The following TNFRSF21 variants were observed in gnomAD, a reference collection of about 807,000 sequenced individuals.
TNFRSF21 encodes the protein TNF receptor superfamily member 21, also known as tumor necrosis factor receptor superfamily member 21.
A neutral mutation model predicts 45.6 loss-of-function variants in TNFRSF21; 19 were observed. That is an observed-to-expected ratio of 0.42 (90% confidence interval 0.29 to 0.61). The LOEUF (loss-of-function observed/expected upper bound fraction) is 0.61. Ranked by LOEUF, TNFRSF21 falls within the 20% of genes least tolerant of loss-of-function variation. The pLI is 0.23. For synonymous variants in TNFRSF21, 314 were observed against 335.5 expected (o/e 0.94, Z 0.70); for missense variants, 737 against 851.5 (o/e 0.87, Z 1.67).
At chr6:47,309,354 C>G (rs1762983715) in intron 1 of TNFRSF21, 62 bp downstream of exon 1, 3 of 1,492,236 alleles carry the variant, frequency 2.0e-6, no homozygotes, top group Non-Finnish European at 2.7e-6. Flanking sequence ...CCGCCCGGCT[C>G]CCGGAGAGCG....
intron 2 of TNFRSF21, among the ~76,000 whole-genome samples, chr6:47,285,347 C>T (rs1582350258): frequency 6.6e-6 from 1 of 152,214 alleles, no homozygotes; most frequent in Non-Finnish European, 1.5e-5. Flanking sequence ...AAGTTAAAAT[C>T]ATTTGGAAAA....
chr6:47,268,058 C>T (rs73736388), intron 3 of TNFRSF21, among the ~76,000 whole-genome samples: 2,574 of 152,320 alleles, frequency 0.017, 65 homozygotes, highest in African/African-American at 0.058. Flanking sequence ...TCCTCCTTCT[C>T]CAAAGGATGG....
At chr6:47,243,572 C>T (rs1453339175) in intron 4 of TNFRSF21, among the ~76,000 whole-genome samples, 1 of 152,130 alleles carries the variant, frequency 6.6e-6, no homozygotes, top group Non-Finnish European at 1.5e-5. Flanking sequence ...CATGCACCAC[C>T]AGGCCCAGAT....
intron 1 of TNFRSF21, among the ~76,000 whole-genome samples, chr6:47,287,191 C>T (rs901210251): frequency 6.6e-6 from 1 of 151,030 alleles, no homozygotes; most frequent in Non-Finnish European, 1.5e-5. Flanking sequence ...CCTGTAATCC[C>T]AGCTACTCAG....
At chr6:47,282,427 T>A (rs931845887) in intron 3 of TNFRSF21, among the ~76,000 whole-genome samples, 2 of 150,496 alleles carry the variant, frequency 1.3e-5, no homozygotes, top group African/African-American at 4.9e-5. Flanking sequence ...AGTTTATGAA[T>A]TTGTGTCGGG....
In TNFRSF21 at chr6:47,292,529, T is replaced by A. The variant is rs570910839; in HGVS notation, c.97-5934A>T. The stretch of plus-strand genomic sequence containing the variant: ...CATCCAAGTTTTGGACACCCTGAAC[T>A]AAGGGCTCTAATCTTCTCTGATTCT... On this transcript the variant is annotated intron_variant, in intron 1 of 5. Transcript: ENST00000296861. 7.2e-5 allele frequency among the ~76,000 whole-genome samples: 11 copies of A among 152,328 alleles called. No homozygotes were observed. The South Asian group carries it at 2.3e-3, about 32-fold the overall frequency.
At chr6:47,290,625 C>T (rs1455898735) in intron 1 of TNFRSF21, among the ~76,000 whole-genome samples, 2 of 152,100 alleles carry the variant, frequency 1.3e-5, no homozygotes, top group Admixed American at 6.5e-5. Context: ...AAAACTCGGC[C>T]CTGTTTAAAC....
intron 3 of TNFRSF21, among the ~76,000 whole-genome samples, chr6:47,270,828 T>C (rs1032230840): frequency 1.8e-4 from 28 of 152,124 alleles, no homozygotes; most frequent in African/African-American, 6.8e-4. Flanking sequence ...TTAAATGACC[T>C]GATGGAGCTG....
intron 3 of TNFRSF21, among the ~76,000 whole-genome samples, chr6:47,260,663 C>T (rs1450716519): frequency 2.0e-5 from 3 of 152,080 alleles, no homozygotes; most frequent in Non-Finnish European, 4.4e-5. Context: ...AATGAGAACC[C>T]ATATCAAAGC....
At position 47,267,121 on chromosome 6, in the gene TNFRSF21, CAG is replaced by C. The variant is rs1359929501; in HGVS notation, c.1244-13602_1244-13601del. ...TTTTTTTTTGTTTTTGTTTTTGAGA[CAG>C]AGTCTCACTCTGTCACCCAGGCTGG... On this transcript the variant is annotated intron_variant, in intron 3 of 5. Transcript: ENST00000296861. Among the ~76,000 whole-genome samples the C allele has an allele frequency of 1.3e-3, 198 of 150,840 alleles. 1 individual carries two copies. The highest frequency in any genetic ancestry group is 4.6e-3 in the African/African-American group (187 of 41,048).
At position 47,234,785 on chromosome 6, in the gene TNFRSF21, G is replaced by A. The variant is rs749263655; in HGVS notation, c.1623C>T (p.Ser541=). 4 of 1,598,172 alleles carry A rather than the reference G, an allele frequency of 2.5e-6. No individual in the cohort carries two copies. The Admixed American group carries it at 7.1e-5, about 28-fold the overall frequency. The stretch of plus-strand genomic sequence containing the variant: ...AGAAGCCCTTGTTCTTGTCCTGTGG[G>A]GAAGGCTCCACCGTCAGGAGAGCGG... The part of the protein sequence containing the change: ...ENSALLTVEP[S]PQDKNKGFFV... Residue 541 remains serine (S), a synonymous_variant, in exon 5 of 6, where the codon TCC becomes TCT. Transcript: ENST00000296861.
intron 1 of TNFRSF21, among the ~76,000 whole-genome samples, chr6:47,305,057 G>C (rs1762920000): frequency 6.6e-6 from 1 of 152,020 alleles, no homozygotes; most frequent in Non-Finnish European, 1.5e-5. Context: ...CTCAGACTAA[G>C]AGCCAAAGTT....
At chr6:47,279,448 T>G (rs1762538165) in intron 3 of TNFRSF21, among the ~76,000 whole-genome samples, 1 of 152,218 alleles carries the variant, frequency 6.6e-6, no homozygotes, top group Non-Finnish European at 1.5e-5. Context: ...TGTTTGCAGA[T>G]CATTGGTGAC....
intron 3 of TNFRSF21, among the ~76,000 whole-genome samples, chr6:47,270,921 T>C (rs548380178): frequency 6.6e-6 from 1 of 152,132 alleles, no homozygotes; most frequent in Non-Finnish European, 1.5e-5. Context: ...GTATCAGTGA[T>C]TGAAGATCAA....
Position 47,276,357 on chromosome 6 carries a change from G to T in TNFRSF21, c.1243+7581C>A, listed in dbSNP as rs528707432. ...TTTTTGCTCCCACTCATAGCTGATG[G>T]TTCTCCTTTGTTACTTACCCCTTCA... is the stretch of plus-strand genomic sequence containing the variant. On this transcript the variant is annotated intron_variant, in intron 3 of 5. Transcript: ENST00000296861. Among the ~76,000 whole-genome samples, 4 of 152,288 alleles carry T rather than the reference G, an allele frequency of 2.6e-5. No homozygotes were observed. In the South Asian group the frequency reaches 8.3e-4, roughly 32 times the overall value.
At chr6:47,266,869 C>T (rs1193278081) in intron 3 of TNFRSF21, among the ~76,000 whole-genome samples, 1 of 152,184 alleles carries the variant, frequency 6.6e-6, no homozygotes, top group Non-Finnish European at 1.5e-5. Context: ...GCTTCCCTCC[C>T]GAGCCAAAGT....
At chr6:47,305,348 A>AT (rs1026176415) in intron 1 of TNFRSF21, among the ~76,000 whole-genome samples, 5 of 151,524 alleles carry the variant, frequency 3.3e-5, no homozygotes, top group Middle Eastern at 3.4e-3. Flanking sequence ...CCAGTAGAGT[A>AT]TTTTTTTTTC....
intron 1 of TNFRSF21, among the ~76,000 whole-genome samples, chr6:47,295,837 A>T (rs1010024513): frequency 6.6e-6 from 1 of 152,220 alleles, no homozygotes; most frequent in African/African-American, 2.4e-5. Context: ...GCTAAGGCAA[A>T]AGCAGGGACC....
chr6:47,277,087 G>C lies in TNFRSF21; in HGVS notation c.1243+6851C>G, dbSNP rs576397540. Among the ~76,000 whole-genome samples, 10 of 152,290 alleles carry C rather than the reference G, an allele frequency of 6.6e-5. No homozygotes were observed. The South Asian group carries it at 2.1e-3, about 32-fold the overall frequency. On this transcript the variant is annotated intron_variant, in intron 3 of 5. Coordinates refer to ENST00000296861, the MANE Select transcript of TNFRSF21 (RefSeq NM_014452.5). ...TGGCTCACTGCAACCTCTGCCTCCT[G>C]AGTTCCAGTGATTCCCCAGCCTCAG...
Sources: gnomAD v4.1 joint callset for allele counts (sites outside exome capture counted in the v4.1 genomes callset) on GRCh38, gnomAD v4.1.1 for gene constraint, MANE v1.5 for transcripts, NCBI Gene and HGNC (gene_info 2026-07-23, HGNC 2026-07-21) for gene names.